SLC30A7: variants seen among roughly 807,000 people sequenced by gnomAD.
SLC30A7 encodes the protein zinc transporter 7.
A neutral mutation model predicts 46.0 loss-of-function variants in SLC30A7; 35 were observed. The observed-to-expected ratio is 0.76, with a 90% CI of 0.58 to 1.01. The LOEUF (loss-of-function observed/expected upper bound fraction) is 1.01, where lower values mean the gene tolerates loss of function less well. Among genes scored for constraint, SLC30A7 ranks in the 50% least tolerant of loss-of-function variants. The pLI is 0.00. For synonymous variants in SLC30A7, 147 were observed against 157.8 expected (o/e 0.93, Z 0.51); for missense variants, 464 against 451.1 (o/e 1.03, Z -0.26).
chr1:100,913,171 G>A (rs917108190), intron 5 of SLC30A7, among the ~76,000 whole-genome samples: 7 of 152,068 alleles, frequency 4.6e-5, no homozygotes, highest in Non-Finnish European at 1.0e-4. Flanking sequence ...TAATTTTACT[G>A]ATTCTGTTAC....
Position 100,913,790 on chromosome 1 carries a change from A to G in SLC30A7, c.639A>G (p.Gly213=). ...GCCATGATCATGCTCATGGACATGG[A>G]CACTTTCATTCTCATGGTGAGTACA... ...AHSHDHAHGH[G]HFHSHDGPSL... The change falls in exon 6 of 11, where the codon GGA becomes GGG. Residue 213 remains glycine, a synonymous_variant. Transcript: ENST00000357650. 1 of 1,613,556 alleles carries G rather than the reference A, an allele frequency of 6.2e-7. No homozygotes were observed. The highest frequency in any genetic ancestry group is 8.5e-7 in the Non-Finnish European group (1 of 1,179,516).
At chr1:100,944,845 A>G (rs899166289) in intron 8 of SLC30A7, among the ~76,000 whole-genome samples, 3 of 152,132 alleles carry the variant, frequency 2.0e-5, no homozygotes, top group African/African-American at 4.8e-5. Flanking sequence ...TTCTAGTTCT[A>G]GATCCTTGAG....
At chr1:100,984,875 C>T (rs977949974), downstream of SLC30A7, among the ~76,000 whole-genome samples, 4 of 152,168 alleles carry the variant, frequency 2.6e-5, no homozygotes, top group African/African-American at 9.7e-5. Context: ...TTAAAATGCT[C>T]AAGCGAGCAA....
At chr1:100,958,589 C>CT in intron 8 of SLC30A7, among the ~76,000 whole-genome samples, 1 of 152,256 alleles carries the variant, frequency 6.6e-6, no homozygotes, top group East Asian at 1.9e-4. Context: ...CTTACTGTGA[C>CT]TTTACTTTCT....
At chr1:100,986,409 T>TAA (rs568152369), downstream of SLC30A7, among the ~76,000 whole-genome samples, 97 of 129,068 alleles carry the variant, frequency 7.5e-4, no homozygotes, top group African/African-American at 2.7e-3. Flanking sequence ...AACTCTTGTC[T>TAA]AAAAAAAAAA....
chr1:100,952,945 T>C (rs1655033722), intron 8 of SLC30A7, among the ~76,000 whole-genome samples: 1 of 152,198 alleles, frequency 6.6e-6, no homozygotes, highest in Admixed American at 6.5e-5. Context: ...TGGTTTGGAT[T>C]TGTGTCCCTA....
downstream of SLC30A7, among the ~76,000 whole-genome samples, chr1:100,986,578 G>A (rs1219612508): frequency 6.6e-6 from 1 of 152,136 alleles, no homozygotes. Flanking sequence ...ATAAAATTAG[G>A]TGCACACTTA....
chr1:100,896,581 C>A lies in SLC30A7; in HGVS notation c.92C>A (p.Ser31Tyr). 1 of 1,614,014 alleles carries A rather than the reference C, an allele frequency of 6.2e-7. No homozygotes were observed. The highest frequency in any genetic ancestry group is 1.6e-4 in the Middle Eastern group (1 of 6,062). The change falls in exon 2 of 11, where the codon TCC (serine) becomes TAC (tyrosine). Residue 31 changes from serine (S) to tyrosine (Y), a missense_variant. By Grantham distance (144) the Ser-to-Tyr change is moderately radical. Coordinates refer to ENST00000357650, the MANE Select transcript of SLC30A7 (RefSeq NM_133496.5). Reference protein sequence around the residue: ...KISGWFRSILSDKTSRNLFFF... With the variant: ...KISGWFRSILYDKTSRNLFFF... ...TGTATCATTCCCAGGTCTATACTGTCCGACAAGACTTCCCGGAACCTGTTT... is the reference window on the plus strand; with the variant it reads ...TGTATCATTCCCAGGTCTATACTGTACGACAAGACTTCCCGGAACCTGTTT...
At chr1:100,983,406 C>CAA (rs1320059834), downstream of SLC30A7, among the ~76,000 whole-genome samples, 4 of 135,032 alleles carry the variant, frequency 3.0e-5, no homozygotes, top group Admixed American at 1.5e-4. Context: ...CAAAACAAAA[C>CAA]AAAAAAAACT....
the SLC30A7 span, chr1:100,992,703 C>T: frequency 5.0e-6 from 8 of 1,613,766 alleles, no homozygotes; most frequent in African/African-American, 2.7e-5. Flanking sequence ...GCTTGGTTTA[C>T]ACTCATATAC....
rs1291409210 is a variant in SLC30A7 at position 100,896,654 on chromosome 1, C to T, written c.165C>T (p.Tyr55=). The T allele has an allele frequency of 1.2e-6, 2 of 1,614,026 alleles. No homozygotes were observed. The highest frequency in any genetic ancestry group is 1.7e-6 in the Non-Finnish European group (2 of 1,179,942). Residue 55 remains tyrosine (Y), a synonymous_variant, in exon 2 of 11, where the codon TAC becomes TAT. Transcript: ENST00000357650. ...CTTTCGCTTTTGTGGAACTACTCTA[C>T]GGCATCTGGAGCAACTGGTAACCAA... ...NLSFAFVELL[Y]GIWSNCLGLI...
chr1:100,915,197 C>CTTTCT (rs1553236585), intron 6 of SLC30A7, among the ~76,000 whole-genome samples: 3 of 61,870 alleles, frequency 4.8e-5, no homozygotes, highest in African/African-American at 1.2e-4. Context: ...TCTTTCTTTT[C>CTTTCT]TTTCTTTCTT....
At chr1:100,948,997 A>G (rs1194092247) in intron 8 of SLC30A7, among the ~76,000 whole-genome samples, 1 of 151,916 alleles carries the variant, frequency 6.6e-6, no homozygotes, top group Non-Finnish European at 1.5e-5. Flanking sequence ...TAGCTTGGAG[A>G]AGTTTGTTAT....
rs113373240 is a variant in SLC30A7 at position 100,948,714 on chromosome 1, C to T, written c.843-13114C>T. Among the ~76,000 whole-genome samples the T allele has an allele frequency of 8.8e-3, 1,346 of 152,248 alleles. 29 individuals are homozygous for T. Among genetic ancestry groups the T allele is most frequent in the African/African-American group, 0.031 (1,298 of 41,530 alleles). ...GTAGATTTAGTCTTTTCACGTAGTC[C>T]TGTATTTCTTGGAGGCTTTGTTACT... On this transcript the variant is annotated intron_variant, in intron 8 of 10. Coordinates refer to ENST00000357650, the MANE Select transcript of SLC30A7 (RefSeq NM_133496.5).
At chr1:100,914,052 T>A (rs1466164923) in intron 6 of SLC30A7, among the ~76,000 whole-genome samples, 4 of 152,236 alleles carry the variant, frequency 2.6e-5, no homozygotes, top group Non-Finnish European at 5.9e-5. Context: ...TTTATGTATT[T>A]ATTTTTAATT....
Position 100,975,066 on chromosome 1 carries a change from CT to C in SLC30A7, c.*213del. On this transcript the variant is annotated 3_prime_UTR_variant, in exon 11 of 11. Transcript: ENST00000357650. ...AGAGGATATCTCCTGGACTTTTGGT[CT>C]TTTCTTTTGTGCTCTTTCCTCCAAA... 2.5e-6 allele frequency: 1 copy of C among 392,988 alleles called. No individual in the cohort carries two copies. Among genetic ancestry groups the C allele is most frequent in the Non-Finnish European group, 4.5e-6 (1 of 221,748 alleles). The allele number at this position is 392,988 out of a possible 1,614,324, so 24.3% of individuals were successfully genotyped here.
rs1311855343 is a variant in SLC30A7 at position 100,978,800 on chromosome 1, A to G, written c.*3943A>G. 2 of 152,184 alleles carry G rather than the reference A, an allele frequency of 1.3e-5. No individual in the cohort carries two copies. Among genetic ancestry groups the G allele is most frequent in the Non-Finnish European group, 2.9e-5 (2 of 68,008 alleles). 9.4% of individuals were successfully genotyped at this position (152,184 alleles called of 1,614,324 possible). On this transcript the variant is annotated 3_prime_UTR_variant, in exon 11 of 11. Coordinates refer to ENST00000357650, the MANE Select transcript of SLC30A7 (RefSeq NM_133496.5). ...ATTATTTCCATCATATTCTTTATGG[A>G]AGATGCAATTAATTTTAACTTTTTT...
intron 10 of SLC30A7, among the ~76,000 whole-genome samples, chr1:100,971,459 G>C (rs1656157062): frequency 6.6e-6 from 1 of 152,060 alleles, no homozygotes; most frequent in African/African-American, 2.4e-5. Flanking sequence ...TCCTTTGGAG[G>C]TTGGAGAGAA....
chr1:100,983,991 A>G (rs375226601), downstream of SLC30A7, among the ~76,000 whole-genome samples: 10 of 152,348 alleles, frequency 6.6e-5, no homozygotes, highest in South Asian at 2.1e-3. Flanking sequence ...CCCGTGAGCA[A>G]TAATTTGTAC....
Sources: gnomAD v4.1 joint callset for allele counts (sites outside exome capture counted in the v4.1 genomes callset) on GRCh38, gnomAD v4.1.1 for gene constraint, MANE v1.5 for transcripts, NCBI Gene and HGNC (gene_info 2026-07-23, HGNC 2026-07-21) for gene names.